SPINK9: variants seen among roughly 807,000 people sequenced by gnomAD.
SPINK9 encodes serine protease inhibitor Kazal-type 9.
In SPINK9, 3 loss-of-function variants were observed where a neutral mutation model predicts 10.8. That is an observed-to-expected ratio of 0.28 (90% CI 0.13 to 0.72). The LOEUF (loss-of-function observed/expected upper bound fraction) is 0.72. Among genes scored for constraint, SPINK9 ranks in the 30% least tolerant of loss-of-function variants. The pLI, the probability that SPINK9 is intolerant of heterozygous loss-of-function variation, is 0.74. For synonymous variants in SPINK9, 30 were observed against 31.2 expected (o/e 0.96, Z 0.12); for missense variants, 101 against 103.2 (o/e 0.98, Z 0.09).
chr5:148,332,122 G>A (rs777882846), upstream of SPINK9, among the ~76,000 whole-genome samples: 1 of 152,174 alleles, frequency 6.6e-6, no homozygotes, highest in Admixed American at 6.5e-5. Context: ...AAATTCAAAA[G>A]AAAAAGTTAT....
chr5:148,337,207 A>G (rs567089684), intron 2 of SPINK9, among the ~76,000 whole-genome samples: 2 of 152,296 alleles, frequency 1.3e-5, no homozygotes, highest in South Asian at 2.1e-4. Flanking sequence ...TGAGTATCAC[A>G]TAAACTCTGT....
chr5:148,324,002 C>T, intron 2 of SPINK9: 1 of 468,686 alleles, frequency 2.1e-6, no homozygotes, highest in Non-Finnish European at 3.8e-6. Flanking sequence ...TGCAAACATG[C>T]TTTATAAACT....
intron 2 of SPINK9, among the ~76,000 whole-genome samples, chr5:148,329,162 A>G (rs1757111500): frequency 6.6e-6 from 1 of 152,004 alleles, no homozygotes; most frequent in South Asian, 2.1e-4. Context: ...GTAAGCTATT[A>G]ATTATTGCCT....
intron 1 of SPINK9, among the ~76,000 whole-genome samples, chr5:148,322,240 T>C (rs1757007669): frequency 6.6e-6 from 1 of 152,238 alleles, no homozygotes; most frequent in Non-Finnish European, 1.5e-5. Flanking sequence ...AATAGATACA[T>C]TGATCATAAC....
chr5:148,333,626 A>T (rs916376474), upstream of SPINK9, among the ~76,000 whole-genome samples: 1 of 152,178 alleles, frequency 6.6e-6, no homozygotes, highest in Non-Finnish European at 1.5e-5. Flanking sequence ...TTGCCATGGC[A>T]ATGGTAAACT....
At chr5:148,322,515 T>C (rs1390115002) in intron 1 of SPINK9, among the ~76,000 whole-genome samples, 1 of 152,176 alleles carries the variant, frequency 6.6e-6, no homozygotes, top group Admixed American at 6.5e-5. Context: ...TATGTGGAAG[T>C]CCAAGAGAAG....
At chr5:148,329,021 A>G (rs1561766588) in intron 2 of SPINK9, among the ~76,000 whole-genome samples, 1 of 152,192 alleles carries the variant, frequency 6.6e-6, no homozygotes, top group Admixed American at 6.5e-5. Context: ...GCCTCATAAA[A>G]ATTAGTTAGG....
chr5:148,337,807 A>G (rs1455371090), intron 2 of SPINK9, among the ~76,000 whole-genome samples: 7 of 152,122 alleles, frequency 4.6e-5, no homozygotes, highest in Admixed American at 4.6e-4. Context: ...TTGCATTCAG[A>G]TGTGTTTGAC....
upstream of SPINK9, among the ~76,000 whole-genome samples, chr5:148,333,003 T>C (rs1757170239): frequency 1.3e-5 from 2 of 152,176 alleles, no homozygotes; most frequent in African/African-American, 4.8e-5. Context: ...TGGTAGCATT[T>C]AAAAATTTTT....
chr5:148,325,770 C>T (rs560969303), intron 2 of SPINK9, among the ~76,000 whole-genome samples: 1 of 152,038 alleles, frequency 6.6e-6, no homozygotes, highest in Non-Finnish European at 1.5e-5. Context: ...TTGTCTTGTA[C>T]TTTTAATGTC....
At chr5:148,323,589 G>A (rs921331592) in intron 1 of SPINK9, 2 of 489,684 alleles carry the variant, frequency 4.1e-6, no homozygotes, top group Non-Finnish European at 7.2e-6. Flanking sequence ...TTATTCTTAG[G>A]AAGAGTAAAT....
intron 2 of SPINK9, among the ~76,000 whole-genome samples, chr5:148,325,485 C>T (rs1055899445): frequency 2.0e-5 from 3 of 152,050 alleles, no homozygotes; most frequent in Admixed American, 2.0e-4. Flanking sequence ...GGAGTGATAA[C>T]TGATGTTGAT....
intron 2 of SPINK9, chr5:148,323,969 T>G: frequency 1.8e-6 from 1 of 543,890 alleles, no homozygotes. Flanking sequence ...ATGTATATTG[T>G]GGGAGTCAGA....
intron 1 of SPINK9, among the ~76,000 whole-genome samples, chr5:148,321,946 A>G (rs1395235883): frequency 2.6e-5 from 4 of 152,364 alleles, no homozygotes; most frequent in Admixed American, 1.3e-4. Flanking sequence ...AAATAATCTA[A>G]GATAATGATG....
chr5:148,335,715 A>G, intron 1 of SPINK9, 47 bp downstream of exon 1: 6 of 1,586,260 alleles, frequency 3.8e-6, no homozygotes, highest in Non-Finnish European at 4.3e-6. Flanking sequence ...CTAATAGCTC[A>G]TGCAGTCTTC....
At chr5:148,326,759 C>A (rs993765493) in intron 2 of SPINK9, among the ~76,000 whole-genome samples, 1 of 151,836 alleles carries the variant, frequency 6.6e-6, no homozygotes, top group Non-Finnish European at 1.5e-5. Flanking sequence ...TGAGAACATG[C>A]GGTGTTTGGT....
chr5:148,336,681 G>A lies in SPINK9; in HGVS notation c.87+228G>A, dbSNP rs376572434. 2.0e-4 allele frequency among the ~76,000 whole-genome samples: 30 copies of A among 152,288 alleles called. 1 individual carries two copies. The South Asian group carries it at 6.0e-3, about 31-fold the overall frequency. ...AGAAAGGCCTGGTCTTTAATTCCAC[G>A]TTTTTGATCACGTGGCCATGGGCAA... On this transcript the variant is annotated intron_variant, in intron 2 of 3. Transcript: ENST00000377906.
upstream of SPINK9, chr5:148,335,513 C>A: frequency 2.9e-6 from 3 of 1,032,094 alleles, no homozygotes; most frequent in Non-Finnish European, 4.4e-6. Context: ...ACAATTGAGG[C>A]AGGAATTCTT....
At chr5:148,324,464 T>C (rs988895586) in intron 2 of SPINK9, among the ~76,000 whole-genome samples, 4 of 152,210 alleles carry the variant, frequency 2.6e-5, no homozygotes, top group East Asian at 1.9e-4. Flanking sequence ...TCATTAATGA[T>C]AGGCAAATCA....
Sources: gnomAD v4.1 joint callset for allele counts (sites outside exome capture counted in the v4.1 genomes callset) on GRCh38, gnomAD v4.1.1 for gene constraint, MANE v1.5 for transcripts, NCBI Gene and HGNC (gene_info 2026-07-23, HGNC 2026-07-21) for gene names.